CNN3: variants seen among roughly 807,000 people sequenced by gnomAD.
CNN3 encodes the protein calponin 3.
Under a neutral mutation model 39.0 loss-of-function variants are expected in CNN3, and 11 were observed. That is an observed-to-expected ratio of 0.28 (90% CI 0.18 to 0.47). The LOEUF is 0.47. Among genes scored for constraint, CNN3 ranks in the 20% least tolerant of loss-of-function variants. The pLI, the probability that CNN3 is intolerant of heterozygous loss-of-function variation, is 0.99. For synonymous variants in CNN3, 101 were observed against 138.3 expected (o/e 0.73, Z 1.89); for missense variants, 266 against 403.4 (o/e 0.66, Z 2.92).
At chr1:94,898,679 C>G (rs1477301335) in intron 6 of CNN3, among the ~76,000 whole-genome samples, 1 of 152,206 alleles carries the variant, frequency 6.6e-6, no homozygotes, top group Non-Finnish European at 1.5e-5. Flanking sequence ...GCACACACTT[C>G]CAGGTTCAGA....
rs146482009 is a variant in CNN3, at chr1:94,921,704, A to G, written c.57+5134T>C. ...GAAATCTAAAGGACTGTCTAGAGACAGAACAATTTCCACAAATGTTAGACT... is the reference window on the plus strand; with the variant it reads ...GAAATCTAAAGGACTGTCTAGAGACGGAACAATTTCCACAAATGTTAGACT... On this transcript the variant is annotated intron_variant, in intron 1 of 6. Transcript: ENST00000370206. Among the ~76,000 whole-genome samples, 121 of 152,378 alleles carry G rather than the reference A, an allele frequency of 7.9e-4. No homozygotes were observed. In the East Asian group the frequency reaches 0.015, roughly 19 times the overall value.
chr1:94,907,082 G>A (rs552141442), intron 1 of CNN3, among the ~76,000 whole-genome samples: 1 of 152,132 alleles, frequency 6.6e-6, no homozygotes, highest in South Asian at 2.1e-4. Flanking sequence ...AGTGGTTGTG[G>A]GGGGGAGCTC....
chr1:94,911,282 C>T (rs1012396525), intron 1 of CNN3, among the ~76,000 whole-genome samples: 1 of 152,080 alleles, frequency 6.6e-6, no homozygotes, highest in Admixed American at 6.5e-5. Context: ...AAATCATGCT[C>T]GCCTCAGGTA....
At chr1:94,902,006 A>G in intron 4 of CNN3, 115 bp downstream of exon 4, 1 of 897,356 alleles carries the variant, frequency 1.1e-6, no homozygotes, top group Middle Eastern at 2.2e-4. Context: ...GCTACTAATT[A>G]CAGAAGAGAC....
At position 94,926,804 on chromosome 1, in the gene CNN3, C is replaced by G; in HGVS notation, c.57+34G>C. The G allele has an allele frequency of 6.2e-7, 1 of 1,601,184 alleles. No homozygotes were observed. Reference sequence around the variant, plus strand: ...GCGCCAGGCCAGCCCAAGGGTGCCCCGGGGGCCCCCGCGCCCGCCCGAGCC... The same window carrying G: ...GCGCCAGGCCAGCCCAAGGGTGCCCGGGGGGCCCCCGCGCCCGCCCGAGCC... On this transcript the variant is annotated intron_variant, in intron 1 of 6. Coordinates refer to ENST00000370206, the MANE Select transcript of CNN3 (RefSeq NM_001839.5). The surrounding 1 kb of genome is among the most constrained non-coding windows in gnomAD (Gnocchi z 4.2).
chr1:94,902,671 A>C (rs1244633927), intron 3 of CNN3, among the ~76,000 whole-genome samples: 1 of 152,172 alleles, frequency 6.6e-6, no homozygotes, highest in East Asian at 1.9e-4. Flanking sequence ...TCATTCTCTC[A>C]TATCTCCAAA....
At chr1:94,908,432 G>A (rs1671070756) in intron 1 of CNN3, among the ~76,000 whole-genome samples, 1 of 152,238 alleles carries the variant, frequency 6.6e-6, no homozygotes, top group African/African-American at 2.4e-5. Context: ...GAGCACCAGT[G>A]TGGAGTCACC....
chr1:94,898,172 A>G, intron 6 of CNN3, 89 bp from the exon 7 acceptor site: 1 of 1,268,462 alleles, frequency 7.9e-7, no homozygotes, highest in Non-Finnish European at 1.1e-6. Flanking sequence ...CACATTGAAT[A>G]TGAACAGTAA....
chr1:94,898,781 C>A (rs1172173024), intron 6 of CNN3, among the ~76,000 whole-genome samples: 1 of 152,184 alleles, frequency 6.6e-6, no homozygotes, highest in Admixed American at 6.5e-5. Flanking sequence ...TTTGATAAAT[C>A]TCCCTTGGAC....
At chr1:94,903,569 T>A in intron 1 of CNN3, 45 bp from the exon 2 acceptor site, 2 of 1,611,470 alleles carry the variant, frequency 1.2e-6, no homozygotes, top group East Asian at 4.5e-5. Flanking sequence ...CACAAAAGCA[T>A]CAGAAACTGC....
At chr1:94,898,680 C>T (rs779647521) in intron 6 of CNN3, among the ~76,000 whole-genome samples, 2 of 152,170 alleles carry the variant, frequency 1.3e-5, no homozygotes, top group Non-Finnish European at 2.9e-5. Context: ...CACACACTTC[C>T]AGGTTCAGAG....
Position 94,897,911 on chromosome 1 carries a change from G to C in CNN3, c.821C>G (p.Ala274Gly), listed in dbSNP as rs745510441. Residue 274 changes from alanine (A) to glycine (G), a missense_variant, in exon 7 of 7, where the codon GCT (alanine) becomes GGT (glycine). By Grantham distance (60) the Ala-to-Gly change is moderately conservative. Coordinates refer to ENST00000370206, the MANE Select transcript of CNN3 (RefSeq NM_001839.5). ...GTGAATGACAGGTTCTGTAGGAGCA[G>C]CACAGTATTTGGGATCATATACTTG... ...GRQVYDPKYC[A>G]APTEPVIHNG... is the part of the protein sequence containing the mutation. 7 of 1,613,998 alleles carry C rather than the reference G, an allele frequency of 4.3e-6. No homozygotes were observed. In the East Asian group the frequency reaches 1.6e-4, roughly 36 times the overall value.
intron 1 of CNN3, among the ~76,000 whole-genome samples, chr1:94,909,846 A>G (rs1450657033): frequency 6.9e-6 from 1 of 144,156 alleles, no homozygotes; most frequent in Non-Finnish European, 1.5e-5. Flanking sequence ...CGCCGAGAGC[A>G]TTCAGCTCAA....
chr1:94,912,598 G>C (rs1447113640), intron 1 of CNN3, among the ~76,000 whole-genome samples: 4 of 152,210 alleles, frequency 2.6e-5, no homozygotes, highest in Non-Finnish European at 5.9e-5. Flanking sequence ...CTTGAGGGGA[G>C]GTCAGGCTCC....
At chr1:94,920,293 T>A (rs1324641551) in intron 1 of CNN3, among the ~76,000 whole-genome samples, 4 of 152,192 alleles carry the variant, frequency 2.6e-5, no homozygotes, top group Non-Finnish European at 4.4e-5. Flanking sequence ...GCAGATCACA[T>A]TCCTGACACA....
At position 94,902,262 on chromosome 1, in the gene CNN3, T is replaced by C. The variant is rs1317199604; in HGVS notation, c.247-4A>G. 1 of 1,606,414 alleles carries C rather than the reference T, an allele frequency of 6.2e-7. No individual in the cohort carries two copies. Among genetic ancestry groups the C allele is most frequent in the Admixed American group, 1.7e-5 (1 of 59,270 alleles). On this transcript the variant is annotated splice_polypyrimidine_tract_variant and splice_region_variant and intron_variant, in intron 3 of 6. Transcript: ENST00000370206. ...TAAAGTTGCCAATATTCTCCAACTATAAAGAAGAAGAGTTTTATAATTTCT... is the reference window on the plus strand; with the variant it reads ...TAAAGTTGCCAATATTCTCCAACTACAAAGAAGAAGAGTTTTATAATTTCT...
intron 1 of CNN3, among the ~76,000 whole-genome samples, chr1:94,906,862 A>G (rs1335282235): frequency 1.3e-5 from 2 of 152,228 alleles, no homozygotes; most frequent in Non-Finnish European, 2.9e-5. Flanking sequence ...AAGCATATTT[A>G]TGCATCCTTT....
At chr1:94,911,997 C>T (rs1453619112) in intron 1 of CNN3, among the ~76,000 whole-genome samples, 2 of 151,912 alleles carry the variant, frequency 1.3e-5, no homozygotes, top group South Asian at 4.2e-4. Context: ...GCCTGGGAGG[C>T]GGAGGTTGCA....
chr1:94,917,144 C>T (rs1671304893), intron 1 of CNN3, among the ~76,000 whole-genome samples: 1 of 152,212 alleles, frequency 6.6e-6, no homozygotes, highest in Non-Finnish European at 1.5e-5. Context: ...TCAAGTGATT[C>T]TCCTGCCTCA....
Sources: gnomAD v4.1 joint callset for allele counts (sites outside exome capture counted in the v4.1 genomes callset) on GRCh38, gnomAD v4.1.1 for gene constraint, Gnocchi (gnomAD v3.1) non-coding constraint, MANE v1.5 for transcripts, NCBI Gene and HGNC (gene_info 2026-07-23, HGNC 2026-07-21) for gene names.